Variants in ADCY8 observed in about 807,000 individuals in gnomAD.
The protein encoded by ADCY8 is adenylate cyclase 8, also known as adenylate cyclase type 8.
In ADCY8, 51 loss-of-function variants were observed where a neutral mutation model predicts 119.7. That is an observed-to-expected ratio of 0.43 (90% CI 0.34 to 0.54). ADCY8 has a LOEUF of 0.54. Among genes scored for constraint, ADCY8 ranks in the 20% least tolerant of loss-of-function variants. The pLI is 0.03. For missense variants in ADCY8, 1,383 were observed against 1,598.8 expected (o/e 0.87, Z 2.30); for synonymous variants, 665 against 651.0 (o/e 1.02, Z -0.33).
At position 131,040,021 on chromosome 8, in the gene ADCY8, C is replaced by T. The variant is rs910572357; in HGVS notation, c.313G>A (p.Gly105Ser). The T allele has an allele frequency of 8.4e-6, 13 of 1,556,334 alleles. No individual in the cohort carries two copies. Among genetic ancestry groups the T allele is most frequent in the Non-Finnish European group, 1.1e-5 (13 of 1,153,850 alleles). Reference sequence around the variant, plus strand: ...CTGCGTTCCGGGAAGACTTTGGTGCCGCAGGTGCTGTGCGCTCGCTCTCCC... The same window carrying T: ...CTGCGTTCCGGGAAGACTTTGGTGCTGCAGGTGCTGTGCGCTCGCTCTCCC... ...GPGERAHSTC[G>S]TKVFPERSGS... The change falls in exon 1 of 18, where the codon GGC (glycine) becomes AGC (serine). Residue 105 changes from glycine (G) to serine (S), a missense_variant. Physicochemically the swap from Gly to Ser is moderately conservative, Grantham distance 56. This residue lies in a region of ADCY8 where 455 missense variants were observed against 435.3 expected (regional missense o/e 1.05). Coordinates refer to ENST00000286355, the MANE Select transcript of ADCY8 (RefSeq NM_001115.3).
At chr8:130,853,260 C>G (rs1469775299) in intron 9 of ADCY8, among the ~76,000 whole-genome samples, 1 of 152,262 alleles carries the variant, frequency 6.6e-6, no homozygotes, top group Non-Finnish European at 1.5e-5. Flanking sequence ...CATCTCTTCT[C>G]TTTGGCCAGG....
intron 8 of ADCY8, among the ~76,000 whole-genome samples, chr8:130,881,420 A>G (rs1281052497): frequency 1.3e-5 from 2 of 152,204 alleles, no homozygotes; most frequent in Non-Finnish European, 2.9e-5. Context: ...CAGTGTTTTC[A>G]TAAAGGTGGA....
chr8:130,990,231 C>A (rs1822531589), intron 2 of ADCY8, among the ~76,000 whole-genome samples, 162 bp downstream of exon 2: 1 of 152,176 alleles, frequency 6.6e-6, no homozygotes, highest in African/African-American at 2.4e-5. Context: ...CCCATTTTGA[C>A]CTGTAAGTCT....
intron 1 of ADCY8, among the ~76,000 whole-genome samples, chr8:130,998,094 A>G (rs12678691): frequency 0.61 from 92,336 of 152,084 alleles, 29,961 homozygotes; most frequent in African/African-American, 0.84. Context: ...TACAAAGCAG[A>G]TAATGTCCTG....
chr8:131,037,710 A>G (rs1824206046), intron 1 of ADCY8, among the ~76,000 whole-genome samples: 1 of 152,216 alleles, frequency 6.6e-6, no homozygotes, highest in South Asian at 2.1e-4. Flanking sequence ...GCTAATGTCT[A>G]TGTATACAAC....
intron 8 of ADCY8, among the ~76,000 whole-genome samples, chr8:130,873,845 A>C (rs1031910098): frequency 1.3e-5 from 2 of 152,130 alleles, no homozygotes. Flanking sequence ...TGATTAAAGA[A>C]AATTTTCTAG....
chr8:130,935,757 G>A (rs550482907), intron 5 of ADCY8, among the ~76,000 whole-genome samples: 2 of 152,312 alleles, frequency 1.3e-5, no homozygotes, highest in Admixed American at 1.3e-4. Context: ...CCTCATGGTA[G>A]CTTCTGGGAG....
At chr8:131,028,843 C>G (rs916670214) in intron 1 of ADCY8, among the ~76,000 whole-genome samples, 1 of 152,154 alleles carries the variant, frequency 6.6e-6, no homozygotes, top group Non-Finnish European at 1.5e-5. Flanking sequence ...TATGGAGTAC[C>G]AGGAGTCAAG....
chr8:130,952,777 T>C (rs924472589), intron 2 of ADCY8, among the ~76,000 whole-genome samples: 7 of 152,106 alleles, frequency 4.6e-5, no homozygotes, highest in Non-Finnish European at 8.8e-5. Context: ...ATAAGATTCA[T>C]AGAACTGGCA....
intron 1 of ADCY8, among the ~76,000 whole-genome samples, chr8:131,035,372 A>T (rs938976091): frequency 6.6e-6 from 1 of 152,170 alleles, no homozygotes; most frequent in African/African-American, 2.4e-5. Context: ...CATATGGGTG[A>T]TTATGTCTGC....
chr8:130,980,187 C>T (rs1210846055), intron 2 of ADCY8, among the ~76,000 whole-genome samples: 1 of 152,168 alleles, frequency 6.6e-6, no homozygotes, highest in East Asian at 1.9e-4. Context: ...TCTCTGTGTT[C>T]TCTTCTTATA....
intron 10 of ADCY8, among the ~76,000 whole-genome samples, chr8:130,848,336 A>G (rs1477965254): frequency 6.6e-6 from 1 of 152,170 alleles, no homozygotes; most frequent in Non-Finnish European, 1.5e-5. Context: ...TGTTATCAAG[A>G]CTTAATTTAA....
chr8:131,009,525 C>A (rs1351819441), intron 1 of ADCY8, among the ~76,000 whole-genome samples: 1 of 152,170 alleles, frequency 6.6e-6, no homozygotes, highest in Non-Finnish European at 1.5e-5. Flanking sequence ...GAGGTGTCTT[C>A]CACCATGATT....
At chr8:130,982,950 A>G (rs895271695) in intron 2 of ADCY8, among the ~76,000 whole-genome samples, 1 of 152,204 alleles carries the variant, frequency 6.6e-6, no homozygotes, top group Non-Finnish European at 1.5e-5. Flanking sequence ...CTAGTACCAT[A>G]CTGGACAGAG....
intron 14 of ADCY8, among the ~76,000 whole-genome samples, chr8:130,804,546 T>C (rs1360337475): frequency 6.6e-6 from 1 of 152,236 alleles, no homozygotes; most frequent in Non-Finnish European, 1.5e-5. Context: ...ATTTTTATTT[T>C]CTGCTTAGAA....
chr8:131,023,809 T>C (rs1490510451), intron 1 of ADCY8, among the ~76,000 whole-genome samples: 1 of 152,212 alleles, frequency 6.6e-6, no homozygotes, highest in Non-Finnish European at 1.5e-5. Context: ...GGCTTTTTTA[T>C]ATCCAAATTA....
At chr8:130,802,785 A>C (rs980737291) in intron 14 of ADCY8, among the ~76,000 whole-genome samples, 1 of 152,182 alleles carries the variant, frequency 6.6e-6, no homozygotes, top group Non-Finnish European at 1.5e-5. Context: ...TGGCCACTAG[A>C]GGGCACTCTG....
intron 1 of ADCY8, among the ~76,000 whole-genome samples, chr8:131,008,967 A>C (rs1052373179): frequency 6.6e-6 from 1 of 152,182 alleles, no homozygotes; most frequent in Non-Finnish European, 1.5e-5. Flanking sequence ...GAGATGATTT[A>C]GGGTAACTAG....
chr8:130,839,243 A>G (rs1276385451), intron 11 of ADCY8, among the ~76,000 whole-genome samples: 3 of 139,784 alleles, frequency 2.1e-5, no homozygotes, highest in African/African-American at 7.3e-5. Flanking sequence ...CATTTGCACA[A>G]TGTGTTGATG....
Sources: gnomAD v4.1 joint callset for allele counts (sites outside exome capture counted in the v4.1 genomes callset) on GRCh38, gnomAD v4.1.1 for gene constraint, gnomAD v4.1.1 regional missense constraint, MANE v1.5 for transcripts, NCBI Gene and HGNC (gene_info 2026-07-23, HGNC 2026-07-21) for gene names.